PLCL1: variants seen among roughly 807,000 people sequenced by gnomAD.
PLCL1 encodes the protein inactive phospholipase C-like protein 1.
A neutral mutation model predicts 84.4 loss-of-function variants in PLCL1; 41 were observed. The observed-to-expected ratio is 0.49, with a 90% CI of 0.38 to 0.63. The LOEUF (loss-of-function observed/expected upper bound fraction) is 0.63. Among genes scored for constraint, PLCL1 ranks in the 30% least tolerant of loss-of-function variants. The probability of loss-of-function intolerance (pLI) is 0.00; values close to 1 mark genes in which losing one functional copy is unlikely to be tolerated. For missense variants in PLCL1, 1,206 were observed against 1,367.8 expected (o/e 0.88, Z 1.87); for synonymous variants, 490 against 488.3 (o/e 1.00, Z -0.05).
intron 1 of PLCL1, among the ~76,000 whole-genome samples, chr2:198,066,823 A>G (rs981774249): frequency 6.6e-6 from 1 of 151,878 alleles, no homozygotes; most frequent in Non-Finnish European, 1.5e-5. Context: ...TTGCCTGGCA[A>G]TTTGCCTAGC....
intron 1 of PLCL1, among the ~76,000 whole-genome samples, chr2:197,809,337 T>C (rs968399343): frequency 1.3e-5 from 2 of 152,246 alleles, no homozygotes; most frequent in Non-Finnish European, 2.9e-5. Context: ...GTTTGTGCTC[T>C]TGGGCTGGTT....
intron 2 of PLCL1, among the ~76,000 whole-genome samples, chr2:198,087,705 T>C (rs1574302556): frequency 1.3e-5 from 2 of 152,304 alleles, no homozygotes; most frequent in Admixed American, 1.3e-4. Flanking sequence ...TGCAACTCAA[T>C]GGATAAATGC....
intron 5 of PLCL1, among the ~76,000 whole-genome samples, chr2:198,130,868 C>A (rs778804629): frequency 2.6e-5 from 4 of 152,132 alleles, no homozygotes; most frequent in Non-Finnish European, 5.9e-5. Flanking sequence ...TCTCCTCTAT[C>A]CTTTTCCCAC....
chr2:198,104,821 T>C (rs1693434397), intron 5 of PLCL1, among the ~76,000 whole-genome samples: 1 of 152,052 alleles, frequency 6.6e-6, no homozygotes, highest in African/African-American at 2.4e-5. Flanking sequence ...TGGCCGCGTA[T>C]ATGTCTTCTT....
intron 1 of PLCL1, among the ~76,000 whole-genome samples, chr2:197,983,962 T>G (rs1254057683): frequency 6.6e-6 from 1 of 152,232 alleles, no homozygotes; most frequent in Non-Finnish European, 1.5e-5. Context: ...AGTTCTTGAT[T>G]TAACTTTATT....
intron 1 of PLCL1, among the ~76,000 whole-genome samples, chr2:197,855,101 C>T (rs1422859706): frequency 2.0e-5 from 3 of 152,066 alleles, no homozygotes; most frequent in Admixed American, 6.6e-5. Flanking sequence ...AGTCAGTATA[C>T]GGATTTCCTC....
chr2:198,085,344 T>C lies in PLCL1; in HGVS notation c.1827T>C (p.Tyr609=), dbSNP rs1412542457. 1 of 1,613,184 alleles carries C rather than the reference T, an allele frequency of 6.2e-7. No individual in the cohort carries two copies. Among genetic ancestry groups the C allele is most frequent in the Admixed American group, 1.7e-5 (1 of 59,944 alleles). ...DFELSMKSQN[Y]WEMCSFSETE... ...AACTATCTATGAAAAGCCAAAACTA[T>C]TGGGAAATGTGTTCATTTAGTGAAA... The change falls in exon 2 of 6, where the codon TAT becomes TAC. Residue 609 remains tyrosine (Y), a synonymous_variant. Transcript: ENST00000428675. This position sits in a 1 kb window ranked among gnomAD's most constrained non-coding sequence, Gnocchi z 5.3.
chr2:197,806,173 C>T (rs1463452083), intron 1 of PLCL1, among the ~76,000 whole-genome samples: 1 of 152,096 alleles, frequency 6.6e-6, no homozygotes, highest in Admixed American at 6.5e-5. Flanking sequence ...GGAAAAGGGC[C>T]TCAGTGTAAA....
At chr2:197,956,783 G>C (rs889542841) in intron 1 of PLCL1, among the ~76,000 whole-genome samples, 1 of 151,686 alleles carries the variant, frequency 6.6e-6, no homozygotes, top group African/African-American at 2.4e-5. Flanking sequence ...TTTTTTTCTT[G>C]TAAATTTGTT....
chr2:198,142,774 C>G (rs1354478390), intron 5 of PLCL1, among the ~76,000 whole-genome samples: 1 of 151,908 alleles, frequency 6.6e-6, no homozygotes, highest in East Asian at 1.9e-4. Context: ...CCCTCACTTT[C>G]CTTTGAGTTA....
chr2:197,892,067 CT>C (rs778829312), intron 1 of PLCL1, among the ~76,000 whole-genome samples: 6 of 152,220 alleles, frequency 3.9e-5, no homozygotes, highest in Non-Finnish European at 8.8e-5. Context: ...CAAAGTTCTA[CT>C]TCCGTTGACC....
chr2:197,903,872 G>A (rs1391046688), intron 1 of PLCL1, among the ~76,000 whole-genome samples: 1 of 146,204 alleles, frequency 6.8e-6, no homozygotes, highest in South Asian at 2.2e-4. Context: ...GTGCGATCTC[G>A]GCTCACTGCA....
intron 5 of PLCL1, among the ~76,000 whole-genome samples, chr2:198,146,356 G>T (rs999970557): frequency 6.6e-6 from 1 of 152,134 alleles, no homozygotes; most frequent in African/African-American, 2.4e-5. Flanking sequence ...CTTGTACAGA[G>T]GGGGAGATTT....
Position 198,041,517 on chromosome 2 carries a change from G to A in PLCL1, c.241-42241G>A, listed in dbSNP as rs535084370. ...TGTCATGTTTTCAGCACTGTGTAAG[G>A]AACTGAGGCATACAAATGAAATCTG... On this transcript the variant is annotated intron_variant, in intron 1 of 5. Coordinates refer to ENST00000428675, the MANE Select transcript of PLCL1 (RefSeq NM_006226.4). Among the ~76,000 whole-genome samples the A allele has an allele frequency of 3.3e-5, 5 of 152,226 alleles. No homozygotes were observed. The East Asian group carries it at 9.7e-4, about 29-fold the overall frequency.
chr2:197,870,471 G>C lies in PLCL1; in HGVS notation c.240+65132G>C, dbSNP rs1002143234. 7.2e-4 allele frequency among the ~76,000 whole-genome samples: 110 copies of C among 151,968 alleles called. 1 individual carries two copies. The highest frequency in any genetic ancestry group is 2.6e-3 in the African/African-American group (108 of 41,512). On this transcript the variant is annotated intron_variant, in intron 1 of 5. Coordinates refer to ENST00000428675, the MANE Select transcript of PLCL1 (RefSeq NM_006226.4). ...TGAGAATCTCTTGGTGTAGGGACTAGAGATGGACATTTTAACTATTCTTCC... is the reference window on the plus strand; with the variant it reads ...TGAGAATCTCTTGGTGTAGGGACTACAGATGGACATTTTAACTATTCTTCC...
chr2:197,958,916 G>GC (rs1559056498), intron 1 of PLCL1, among the ~76,000 whole-genome samples: 2 of 40,284 alleles, frequency 5.0e-5, no homozygotes, highest in Non-Finnish European at 1.1e-4. Flanking sequence ...GCACTAATCT[G>GC]TATTGCCTCT....
At chr2:198,069,328 A>G (rs1201825776) in intron 1 of PLCL1, among the ~76,000 whole-genome samples, 1 of 152,034 alleles carries the variant, frequency 6.6e-6, no homozygotes, top group East Asian at 1.9e-4. Context: ...CTGTCTCTAC[A>G]GAGATAAAGA....
At chr2:197,931,672 C>T (rs1688934934) in intron 1 of PLCL1, among the ~76,000 whole-genome samples, 1 of 86,324 alleles carries the variant, frequency 1.2e-5, no homozygotes, top group African/African-American at 4.4e-5. Flanking sequence ...AACCAACCAA[C>T]CAACCACCCA....
Position 198,146,877 on chromosome 2 carries a change from C to G in PLCL1, c.3203C>G (p.Pro1068Arg), listed in dbSNP as rs368268287. 3.7e-6 allele frequency: 6 copies of G among 1,613,478 alleles called. No individual in the cohort carries two copies. Among genetic ancestry groups the G allele is most frequent in the Non-Finnish European group, 3.4e-6 (4 of 1,179,632 alleles). ...CTGTCCTGTGGACTGAGTAAAGCCC[C>G]CAGCAGCAGTGCTGAGGCCAAGAGC... ...ACLSCGLSKA[P>R]SSSAEAKSKR... Residue 1068 changes from proline to arginine, a missense_variant, in exon 6 of 6, where the codon CCC becomes CGC. Coordinates refer to ENST00000428675, the MANE Select transcript of PLCL1 (RefSeq NM_006226.4).
Sources: allele counts gnomAD v4.1 joint callset (sites outside exome capture counted in the v4.1 genomes callset), GRCh38; gene constraint gnomAD v4.1.1; non-coding constraint Gnocchi (gnomAD v3.1); transcripts MANE v1.5; gene names NCBI Gene and HGNC (gene_info 2026-07-23, HGNC 2026-07-21).